AVEN: variants seen among roughly 807,000 people sequenced by gnomAD.
The protein encoded by AVEN is cell death regulator Aven.
A neutral mutation model predicts 38.1 loss-of-function variants in AVEN; 41 were observed. The observed-to-expected ratio is 1.08, with a 90% confidence interval of 0.84 to 1.40. The LOEUF is 1.40. AVEN is among the 40% of genes most tolerant of loss of function. The probability of loss-of-function intolerance (pLI) is 0.00; values close to 1 mark genes in which losing one functional copy is unlikely to be tolerated. For missense variants in AVEN, 605 were observed against 438.8 expected, an observed-to-expected ratio of 1.38 and a Z score of -3.38; for synonymous variants, 206 against 171.8, an observed-to-expected ratio of 1.20 and a Z score of -1.56.
At chr15:33,904,303 C>A (rs10220921) in intron 2 of AVEN, among the ~76,000 whole-genome samples, 69,468 of 151,990 alleles carry the variant, frequency 0.46, 17,569 homozygotes, top group Middle Eastern at 0.58. Flanking sequence ...ACCTACAGTC[C>A]CAACTACTTG....
chr15:33,917,793 C>T (rs1292284193), intron 2 of AVEN, among the ~76,000 whole-genome samples: 1 of 152,002 alleles, frequency 6.6e-6, no homozygotes, highest in East Asian at 1.9e-4. Context: ...TATGAGGATG[C>T]AAAGGCAGAC....
At chr15:33,938,347 A>C (rs373125738) in intron 2 of AVEN, among the ~76,000 whole-genome samples, 1,522 of 152,086 alleles carry the variant, frequency 0.01, 25 homozygotes, top group African/African-American at 0.035. Flanking sequence ...ACCAGCTACT[A>C]GGGAGGCTGA....
At chr15:34,045,901 A>G (rs2140814267) in intron 5 of AVEN, among the ~76,000 whole-genome samples, 1 of 152,338 alleles carries the variant, frequency 6.6e-6, no homozygotes, top group Middle Eastern at 3.4e-3. Context: ...GGAAACCCAG[A>G]GGCTTTTATT....
intron 1 of AVEN, among the ~76,000 whole-genome samples, chr15:34,013,448 G>A (rs1897725023): frequency 6.6e-6 from 1 of 152,200 alleles, no homozygotes; most frequent in Non-Finnish European, 1.5e-5. Context: ...ACAACTCTAA[G>A]TGGCACTTAT....
chr15:34,073,931 C>T (rs1332180674), intron 1 of AVEN, among the ~76,000 whole-genome samples: 4 of 150,122 alleles, frequency 2.7e-5, no homozygotes, highest in Non-Finnish European at 5.9e-5. Flanking sequence ...CTATTTCCAT[C>T]GGAATTCTTG....
At chr15:34,075,142 A>G (rs1900703271) in exon 1 of AVEN, among the ~76,000 whole-genome samples, 2 of 142,752 alleles carry the variant, frequency 1.4e-5, no homozygotes. Context: ...AGATCACGCC[A>G]CTGCACTCCA....
At chr15:33,971,328 T>TA (rs1895629346) in intron 2 of AVEN, among the ~76,000 whole-genome samples, 1 of 152,090 alleles carries the variant, frequency 6.6e-6, no homozygotes, top group Admixed American at 6.6e-5. Flanking sequence ...TGTGATTGTG[T>TA]ATCATTAGTT....
Position 34,038,829 on chromosome 15 carries a change from C to G in AVEN, c.218G>C (p.Arg73Pro). 1 of 1,189,972 alleles carries G rather than the reference C, an allele frequency of 8.4e-7. No homozygotes were observed. Among genetic ancestry groups the G allele is most frequent in the African/African-American group, 1.6e-5 (1 of 61,330 alleles). 73.7% of individuals were successfully genotyped at this position (1,189,972 alleles called of 1,614,324 possible). The change falls in exon 1 of 6, where the codon CGA (arginine) becomes CCA (proline). Residue 73 changes from arginine (R) to proline (P), a missense_variant. Physicochemically the swap from Arg to Pro is moderately radical, Grantham distance 103. Coordinates refer to ENST00000306730, the MANE Select transcript of AVEN (RefSeq NM_020371.3). ...RGGRGGGGAPRGSRREPGGWG... is the reference protein window; with the variant it reads ...RGGRGGGGAPPGSRREPGGWG... ...GCCTCCCGGCTCCCGGCGGCTGCCTCGCGGGGCGCCTCCTCCTCCTCGGCC... is the reference window on the plus strand; with the variant it reads ...GCCTCCCGGCTCCCGGCGGCTGCCTGGCGGGGCGCCTCCTCCTCCTCGGCC...
At chr15:33,895,357 A>C (rs1597205107) in intron 2 of AVEN, among the ~76,000 whole-genome samples, 1 of 145,704 alleles carries the variant, frequency 6.9e-6, no homozygotes, top group Non-Finnish European at 1.5e-5. Flanking sequence ...ACAGGGCCCC[A>C]CTCTATTACC....
intron 2 of AVEN, among the ~76,000 whole-genome samples, chr15:34,002,234 C>T (rs1161407938): frequency 3.3e-5 from 5 of 152,168 alleles, no homozygotes; most frequent in Admixed American, 6.5e-5. Context: ...TGCGTAGGTT[C>T]GTGTATCTGC....
At position 33,996,133 on chromosome 15, in the gene AVEN, G is replaced by A. The variant is rs186204845; in HGVS notation, c.445+6899C>T. 4.5e-3 allele frequency among the ~76,000 whole-genome samples: 682 copies of A among 152,342 alleles called. 4 individuals are homozygous for A. The highest frequency in any genetic ancestry group is 0.01 in the Middle Eastern group (3 of 294). The stretch of plus-strand genomic sequence containing the variant: ...GCAGCAGCCTGGCAGGGGGAGGGGC[G>A]TCTGCCATTGCTGAGACTCGAGTAG... On this transcript the variant is annotated intron_variant, in intron 2 of 5. Transcript: ENST00000306730.
At chr15:33,893,056 T>C (rs1334568532) in intron 2 of AVEN, among the ~76,000 whole-genome samples, 1 of 152,244 alleles carries the variant, frequency 6.6e-6, no homozygotes, top group African/African-American at 2.4e-5. Context: ...CTGTGATTTC[T>C]GCACATTGAT....
chr15:33,962,387 G>C (rs1200904059), intron 2 of AVEN, among the ~76,000 whole-genome samples: 1 of 151,882 alleles, frequency 6.6e-6, no homozygotes, highest in Non-Finnish European at 1.5e-5. Context: ...TCAGCATATT[G>C]CATCTCCAGC....
intron 2 of AVEN, among the ~76,000 whole-genome samples, chr15:33,927,926 A>T (rs572967031): frequency 4.6e-5 from 7 of 152,276 alleles, no homozygotes; most frequent in African/African-American, 1.7e-4. Context: ...GAATATTCCC[A>T]CTGCCCACTG....
intron 1 of AVEN, among the ~76,000 whole-genome samples, chr15:34,020,164 A>C (rs2140711004): frequency 6.6e-6 from 1 of 152,216 alleles, no homozygotes; most frequent in East Asian, 1.9e-4. Flanking sequence ...ACAAAAAATT[A>C]GCCAGGCGTG....
In AVEN at chr15:33,990,446, C is replaced by T. The variant is rs551527054; in HGVS notation, c.445+12586G>A. On this transcript the variant is annotated intron_variant, in intron 2 of 5. Transcript: ENST00000306730. ...TTTGATGATGCAGCCAGTTGTCTAA[C>T]TGAAGAGTAACTGGAATATAAGTCA... 2.0e-5 allele frequency among the ~76,000 whole-genome samples: 3 copies of T among 152,104 alleles called. No homozygotes were observed. The South Asian group carries it at 6.2e-4, about 32-fold the overall frequency.
At chr15:33,933,497 A>G (rs866346449) in intron 2 of AVEN, among the ~76,000 whole-genome samples, 1 of 95,666 alleles carries the variant, frequency 1.0e-5, no homozygotes, top group South Asian at 3.8e-4. Context: ...ACAATCACAC[A>G]CACACACACA....
At chr15:33,871,772 C>CT (rs902627829) in intron 3 of AVEN, among the ~76,000 whole-genome samples, 2 of 108,798 alleles carry the variant, frequency 1.8e-5, no homozygotes, top group African/African-American at 7.8e-5. Context: ...AGCTAGTCTC[C>CT]TCAAAAAAAA....
chr15:33,853,514 T>C, the AVEN span: 1 of 1,599,190 alleles, frequency 6.3e-7, no homozygotes, highest in Admixed American at 1.7e-5. Context: ...TATTTGGTGG[T>C]GGCGTGTGGC....
Sources: allele counts gnomAD v4.1 joint callset (sites outside exome capture counted in the v4.1 genomes callset), GRCh38; gene constraint gnomAD v4.1.1; transcripts MANE v1.5; gene names NCBI Gene and HGNC (gene_info 2026-07-23, HGNC 2026-07-21).